The following DGKB variants were observed in gnomAD, a reference collection of about 807,000 sequenced individuals.
DGKB encodes the protein diacylglycerol kinase beta.
A neutral mutation model predicts 114.3 loss-of-function variants in DGKB; 67 were observed. That is an observed-to-expected ratio of 0.59 (90% CI 0.48 to 0.72). The LOEUF (loss-of-function observed/expected upper bound fraction) is 0.72, where lower values mean the gene tolerates loss of function less well. Ranked by LOEUF, DGKB falls within the 30% of genes least tolerant of loss-of-function variation. The pLI, the probability that DGKB is intolerant of heterozygous loss-of-function variation, is 0.00. For synonymous variants in DGKB, 398 were observed against 323.1 expected (o/e 1.23, Z -2.49); for missense variants, 907 against 975.2 (o/e 0.93, Z 0.93).
intron 13 of DGKB, among the ~76,000 whole-genome samples, chr7:14,664,968 C>T (rs1817766951): frequency 6.6e-6 from 1 of 151,856 alleles, no homozygotes; most frequent in Non-Finnish European, 1.5e-5. Context: ...AAAGCGAGCA[C>T]TGCAGATATT....
intron 23 of DGKB, among the ~76,000 whole-genome samples, chr7:14,208,477 G>T (rs1787196483): frequency 1.3e-5 from 2 of 151,996 alleles, no homozygotes; most frequent in Admixed American, 1.3e-4. Context: ...ACTTCAAACA[G>T]TTTCCCTCCC....
At chr7:14,345,136 G>C (rs1224908502) in intron 22 of DGKB, among the ~76,000 whole-genome samples, 165 bp downstream of exon 22, 1 of 151,446 alleles carries the variant, frequency 6.6e-6, no homozygotes, top group Non-Finnish European at 1.5e-5. Context: ...ATGTCAGATA[G>C]TGCTGTATTC....
intron 1 of DGKB, among the ~76,000 whole-genome samples, chr7:14,894,646 T>C (rs964180522): frequency 1.3e-5 from 2 of 151,574 alleles, no homozygotes; most frequent in Non-Finnish European, 3.0e-5. Context: ...CTTTTGATAT[T>C]ATCTTTTTGA....
chr7:14,248,997 C>A (rs10950514), intron 23 of DGKB, among the ~76,000 whole-genome samples: 2 of 151,902 alleles, frequency 1.3e-5, no homozygotes, highest in Admixed American at 6.5e-5. Flanking sequence ...GCGTTTATTA[C>A]GTTAATGAAT....
rs1042560155 is a variant in DGKB, at chr7:14,218,385, C to T, written c.2123-40234G>A. Among the ~76,000 whole-genome samples the T allele has an allele frequency of 2.0e-5, 3 of 152,172 alleles. No homozygotes were observed. The South Asian group carries it at 6.2e-4, about 32-fold the overall frequency. On this transcript the variant is annotated intron_variant, in intron 23 of 25. Transcript: ENST00000402815. ...ACTCTATTTGTCTCTACACTGAAAC[C>T]ATCTTGCAAAAGCATTCAATAGTTA...
intron 25 of DGKB, among the ~76,000 whole-genome samples, chr7:14,154,829 G>A (rs1285330310): frequency 6.7e-6 from 1 of 149,294 alleles, no homozygotes; most frequent in Non-Finnish European, 1.5e-5. Flanking sequence ...TATTTTTCTT[G>A]CAAGTCTATA....
At chr7:14,191,653 T>C (rs1331569217) in intron 23 of DGKB, 3 of 302,372 alleles carry the variant, frequency 9.9e-6, no homozygotes, top group Admixed American at 7.8e-5. Flanking sequence ...AAATGCACCA[T>C]GAGGCTTTGA....
intron 13 of DGKB, among the ~76,000 whole-genome samples, chr7:14,630,512 C>T (rs1585206491): frequency 6.6e-6 from 1 of 152,004 alleles, no homozygotes. Flanking sequence ...ACTTCATCTA[C>T]CCAAAGCATG....
chr7:14,765,486 T>G (rs935724768), intron 2 of DGKB, among the ~76,000 whole-genome samples: 5 of 152,048 alleles, frequency 3.3e-5, no homozygotes, highest in Non-Finnish European at 7.4e-5. Context: ...GTTAATCCTC[T>G]TAAACATCAG....
chr7:14,210,799 A>G (rs749757170), intron 23 of DGKB, among the ~76,000 whole-genome samples: 2 of 152,026 alleles, frequency 1.3e-5, no homozygotes, highest in Admixed American at 6.6e-5. Flanking sequence ...ATCTACATAA[A>G]CCAGCACCTA....
chr7:14,329,339 A>G (rs891628756), intron 23 of DGKB, among the ~76,000 whole-genome samples: 5 of 151,952 alleles, frequency 3.3e-5, no homozygotes, highest in Non-Finnish European at 5.9e-5. Flanking sequence ...ATTAGAAAAC[A>G]AAATATAAAT....
chr7:14,969,545 G>C (rs1156504074), intron 1 of DGKB, among the ~76,000 whole-genome samples: 1 of 152,088 alleles, frequency 6.6e-6, no homozygotes, highest in East Asian at 1.9e-4. Flanking sequence ...TACTGCCTGA[G>C]TTCCACCTTC....
At chr7:14,209,535 C>T (rs1171010885) in intron 23 of DGKB, 1 of 501,988 alleles carries the variant, frequency 2.0e-6, no homozygotes, top group East Asian at 5.8e-5. Context: ...TCTTCAGCTG[C>T]ACAGAGCTCC....
intron 23 of DGKB, among the ~76,000 whole-genome samples, chr7:14,281,756 T>G (rs1182414762): frequency 6.6e-6 from 1 of 152,124 alleles, no homozygotes; most frequent in South Asian, 2.1e-4. Flanking sequence ...TGCTCCTGAA[T>G]GACTGTTGGG....
At chr7:14,404,810 A>C (rs1403109623) in intron 21 of DGKB, among the ~76,000 whole-genome samples, 1 of 151,596 alleles carries the variant, frequency 6.6e-6, no homozygotes, top group Non-Finnish European at 1.5e-5. Context: ...CTGGGAACCT[A>C]CACTCTCTGC....
intron 23 of DGKB, among the ~76,000 whole-genome samples, chr7:14,323,271 A>G (rs1319521918): frequency 6.6e-6 from 1 of 152,170 alleles, no homozygotes; most frequent in Non-Finnish European, 1.5e-5. Flanking sequence ...AGGTCAGCAT[A>G]TTGAGTAGGG....
intron 21 of DGKB, among the ~76,000 whole-genome samples, chr7:14,474,827 GTT>G (rs5882447): frequency 0.092 from 13,744 of 148,664 alleles, 1,031 homozygotes; most frequent in East Asian, 0.44. Flanking sequence ...TAAATATTTA[GTT>G]TTTTTTTTTC....
intron 23 of DGKB, among the ~76,000 whole-genome samples, chr7:14,232,969 A>G (rs1186876999): frequency 5.3e-5 from 8 of 152,098 alleles, no homozygotes; most frequent in African/African-American, 1.9e-4. Flanking sequence ...CATCCAGAGC[A>G]TCAGGAAGAA....
At chr7:14,916,793 C>G (rs776792170) in intron 1 of DGKB, among the ~76,000 whole-genome samples, 1 of 152,002 alleles carries the variant, frequency 6.6e-6, no homozygotes, top group Non-Finnish European at 1.5e-5. Flanking sequence ...TCAACTATAT[C>G]TAATTGACAT....
Sources: allele counts gnomAD v4.1 joint callset (sites outside exome capture counted in the v4.1 genomes callset), GRCh38; gene constraint gnomAD v4.1.1; transcripts MANE v1.5; gene names NCBI Gene and HGNC (gene_info 2026-07-23, HGNC 2026-07-21).